Variants in CSMD1 observed in about 807,000 individuals in gnomAD.
CSMD1 encodes CUB and Sushi multiple domains 1, also known as CUB and sushi domain-containing protein 1.
CSMD1 carries 213 observed loss-of-function variants against 417.5 expected under a neutral mutation model. The ratio of observed to expected loss-of-function variants is 0.51; its 90% CI spans 0.46 to 0.57. CSMD1 has a LOEUF of 0.57. CSMD1 is among the 20% of genes least tolerant of loss of function. The probability of loss-of-function intolerance (pLI) is 0.00; values close to 1 mark genes in which losing one functional copy is unlikely to be tolerated. For synonymous variants in CSMD1, 2,862 were observed against 1,736.8 expected (o/e 1.65, Z -16.11); for missense variants, 6,923 against 4,529.7 (o/e 1.53, Z -15.17).
At chr8:3,168,212 T>C (rs569863791) in intron 37 of CSMD1, among the ~76,000 whole-genome samples, 1 of 152,306 alleles carries the variant, frequency 6.6e-6, no homozygotes, top group African/African-American at 2.4e-5. Flanking sequence ...CACCTGAGTA[T>C]TCAACGCCCA....
At chr8:4,790,139 A>G (rs928842498) in intron 1 of CSMD1, among the ~76,000 whole-genome samples, 3 of 152,192 alleles carry the variant, frequency 2.0e-5, no homozygotes, top group African/African-American at 7.2e-5. Flanking sequence ...GTTCCTTTGG[A>G]CAAACAAGAC....
chr8:4,516,675 G>C (rs1360727525), intron 2 of CSMD1, among the ~76,000 whole-genome samples: 1 of 152,054 alleles, frequency 6.6e-6, no homozygotes, highest in African/African-American at 2.4e-5. Context: ...TCTTTTCCAT[G>C]ATCAGCCCCA....
At chr8:3,832,691 G>T (rs1185624918) in intron 5 of CSMD1, among the ~76,000 whole-genome samples, 1 of 152,138 alleles carries the variant, frequency 6.6e-6, no homozygotes, top group East Asian at 1.9e-4. Context: ...ATAGATTCAT[G>T]ACTGTATTTC....
At chr8:3,883,733 A>G (rs910168943) in intron 5 of CSMD1, among the ~76,000 whole-genome samples, 2 of 152,118 alleles carry the variant, frequency 1.3e-5, no homozygotes, top group African/African-American at 2.4e-5. Flanking sequence ...AAAGTGATTC[A>G]TTGAAACAAC....
intron 2 of CSMD1, among the ~76,000 whole-genome samples, chr8:4,605,476 C>T (rs537741872): frequency 1.3e-5 from 2 of 152,234 alleles, no homozygotes; most frequent in African/African-American, 4.8e-5. Context: ...ATTCATCTTA[C>T]CTTTATGCCC....
chr8:3,575,135 T>C (rs1431874569), intron 9 of CSMD1, 69 bp from the exon 10 acceptor site: 2 of 1,501,646 alleles, frequency 1.3e-6, no homozygotes, highest in South Asian at 1.3e-5. Flanking sequence ...ATAACATTTA[T>C]GGGAAATTTC....
intron 1 of CSMD1, among the ~76,000 whole-genome samples, chr8:4,693,767 C>A (rs1041988342): frequency 5.5e-5 from 1 of 18,318 alleles, no homozygotes; most frequent in East Asian, 1.9e-3. Context: ...GCCCCAAATT[C>A]CTAGGCTCAA....
chr8:3,255,286 G>C (rs1017826868), intron 26 of CSMD1, among the ~76,000 whole-genome samples: 3 of 152,110 alleles, frequency 2.0e-5, no homozygotes, highest in Admixed American at 2.0e-4. Context: ...CCTACTGGGG[G>C]ATGCATCCCA....
intron 3 of CSMD1, among the ~76,000 whole-genome samples, chr8:4,155,418 G>T (rs1229049478): frequency 6.6e-6 from 1 of 152,278 alleles, no homozygotes; most frequent in South Asian, 2.1e-4. Flanking sequence ...ATCAGAACTT[G>T]CCTCTGTTTG....
In CSMD1 at chr8:3,811,441, G is replaced by A. The variant is rs76650333; in HGVS notation, c.819-57399C>T. ...GCTTCATGTTCGACTTACTGGGAGTGGGCATGGATTTTATCTAGAATAGAC... is the reference window on the plus strand; with the variant it reads ...GCTTCATGTTCGACTTACTGGGAGTAGGCATGGATTTTATCTAGAATAGAC... On this transcript the variant is annotated intron_variant, in intron 5 of 69. Transcript: ENST00000635120. Among the ~76,000 whole-genome samples, 1,502 of 152,210 alleles carry A rather than the reference G, an allele frequency of 9.9e-3. 27 individuals are homozygous for A. Among genetic ancestry groups the A allele is most frequent in the African/African-American group, 0.034 (1,410 of 41,516 alleles).
chr8:4,023,220 G>A (rs1193870047), intron 4 of CSMD1, among the ~76,000 whole-genome samples: 1 of 152,208 alleles, frequency 6.6e-6, no homozygotes, highest in Non-Finnish European at 1.5e-5. Context: ...GAAGCCAGAT[G>A]TGAAAGGTGG....
intron 5 of CSMD1, among the ~76,000 whole-genome samples, chr8:3,874,929 T>C (rs573082185): frequency 6.6e-6 from 1 of 152,098 alleles, no homozygotes; most frequent in South Asian, 2.1e-4. Flanking sequence ...GGGGAAGACC[T>C]TGGGGCCTGA....
At chr8:3,294,946 C>G (rs1356870962) in intron 25 of CSMD1, among the ~76,000 whole-genome samples, 1 of 152,064 alleles carries the variant, frequency 6.6e-6, no homozygotes, top group East Asian at 1.9e-4. Context: ...GGAGCTGTTC[C>G]TATTTGGCCA....
chr8:4,633,184 C>T (rs1331891647), intron 2 of CSMD1, among the ~76,000 whole-genome samples: 1 of 121,716 alleles, frequency 8.2e-6, no homozygotes, highest in African/African-American at 2.8e-5. Context: ...TTCGTAGGAA[C>T]ATTTACTATT....
chr8:4,302,244 G>C (rs1798016700), intron 3 of CSMD1, among the ~76,000 whole-genome samples: 1 of 152,170 alleles, frequency 6.6e-6, no homozygotes, highest in Admixed American at 6.6e-5. Context: ...GAAAAATGTA[G>C]TGTTTTAGGT....
At chr8:3,350,813 T>C (rs1165698623) in intron 21 of CSMD1, among the ~76,000 whole-genome samples, 1 of 151,996 alleles carries the variant, frequency 6.6e-6, no homozygotes, top group Non-Finnish European at 1.5e-5. Flanking sequence ...AAAGAAATAA[T>C]TTTACATGTT....
chr8:3,364,212 T>C (rs1809398204), intron 20 of CSMD1, among the ~76,000 whole-genome samples: 1 of 152,180 alleles, frequency 6.6e-6, no homozygotes, highest in Non-Finnish European at 1.5e-5. Flanking sequence ...CAGCACAGTT[T>C]CTAGGCAAAA....
Position 3,494,376 on chromosome 8 carries a change from G to A in CSMD1, c.1345-650C>T, listed in dbSNP as rs527664437. ...GTAGAGCACAAGATCTTTTTCTCCT[G>A]AAAGAAGAAATGCTTCCTTTGGTGG... On this transcript the variant is annotated intron_variant, in intron 10 of 69. Transcript: ENST00000635120. Among the ~76,000 whole-genome samples the A allele has an allele frequency of 1.6e-4, 25 of 152,184 alleles. No homozygotes were observed. In the South Asian group the frequency reaches 4.6e-3, roughly 28 times the overall value.
intron 5 of CSMD1, among the ~76,000 whole-genome samples, chr8:3,949,651 G>T (rs1435801116): frequency 6.6e-6 from 1 of 151,986 alleles, no homozygotes; most frequent in Admixed American, 6.6e-5. Context: ...GATTGAAGGG[G>T]CAACGAGGAT....
Sources: gnomAD v4.1 joint callset for allele counts (sites outside exome capture counted in the v4.1 genomes callset) on GRCh38, gnomAD v4.1.1 for gene constraint, MANE v1.5 for transcripts, NCBI Gene and HGNC (gene_info 2026-07-23, HGNC 2026-07-21) for gene names.